TRIM44: variants seen among roughly 807,000 people sequenced by gnomAD.
The protein encoded by TRIM44 is tripartite motif-containing protein 44.
Under a neutral mutation model 37.4 loss-of-function variants are expected in TRIM44, and 13 were observed. The ratio of observed to expected loss-of-function variants is 0.35; its 90% CI spans 0.23 to 0.55. The LOEUF is 0.55. Ranked by LOEUF, TRIM44 falls within the 20% of genes least tolerant of loss-of-function variation. The pLI, the probability that TRIM44 is intolerant of heterozygous loss-of-function variation, is 0.89. For synonymous variants in TRIM44, 175 were observed against 157.2 expected, an observed-to-expected ratio of 1.11 and a Z score of -0.85; for missense variants, 426 against 437.2, an observed-to-expected ratio of 0.97 and a Z score of 0.23.
chr11:35,684,608 G>T (rs1047177917), intron 1 of TRIM44, among the ~76,000 whole-genome samples: 1 of 152,188 alleles, frequency 6.6e-6, no homozygotes, highest in Non-Finnish European at 1.5e-5. Context: ...TAATTTGCCT[G>T]AAATTAATCA....
At chr11:35,785,748 A>G (rs916988489) in intron 4 of TRIM44, among the ~76,000 whole-genome samples, 1 of 152,212 alleles carries the variant, frequency 6.6e-6, no homozygotes, top group Non-Finnish European at 1.5e-5. Flanking sequence ...TCAGGGGCCT[A>G]TATAACTGAA....
chr11:35,785,069 C>A (rs780436121), intron 4 of TRIM44, among the ~76,000 whole-genome samples: 1 of 152,166 alleles, frequency 6.6e-6, no homozygotes, highest in Non-Finnish European at 1.5e-5. Context: ...AAATACTTGT[C>A]CTGTACTGAC....
intron 4 of TRIM44, among the ~76,000 whole-genome samples, chr11:35,742,776 A>C (rs1393966871): frequency 1.1e-5 from 1 of 88,932 alleles, no homozygotes; most frequent in Admixed American, 1.8e-4. Flanking sequence ...TATATATTAC[A>C]TATAAATATA....
chr11:35,775,648 G>A (rs1852946599), intron 4 of TRIM44, among the ~76,000 whole-genome samples: 1 of 152,252 alleles, frequency 6.6e-6, no homozygotes, highest in Admixed American at 6.5e-5. Flanking sequence ...CATCCCATCA[G>A]TACCTAGTTT....
intron 4 of TRIM44, among the ~76,000 whole-genome samples, chr11:35,791,815 A>AG (rs1853215324): frequency 6.6e-6 from 1 of 152,096 alleles, no homozygotes; most frequent in Non-Finnish European, 1.5e-5. Context: ...ATTCTTTGCT[A>AG]TACTGTGAGC....
chr11:35,706,718 C>T (rs1373136997), intron 2 of TRIM44, among the ~76,000 whole-genome samples: 1 of 152,046 alleles, frequency 6.6e-6, no homozygotes, highest in South Asian at 2.1e-4. Flanking sequence ...AACAACCCTT[C>T]ATGCTAAAAA....
intron 4 of TRIM44, among the ~76,000 whole-genome samples, chr11:35,788,333 G>T (rs1453556065): frequency 6.6e-6 from 1 of 152,158 alleles, no homozygotes; most frequent in African/African-American, 2.4e-5. Context: ...TGTGAAGGAG[G>T]AGTTTAGAAC....
rs528215613 is a variant in TRIM44 at position 35,755,685 on chromosome 11, G to A, written c.1007+20240G>A. Among the ~76,000 whole-genome samples, 1,009 of 152,266 alleles carry A rather than the reference G, an allele frequency of 6.6e-3. 8 individuals carry two copies. Among genetic ancestry groups the A allele is most frequent in the African/African-American group, 0.023 (959 of 41,532 alleles). On this transcript the variant is annotated intron_variant, in intron 4 of 4. Transcript: ENST00000299413. The stretch of plus-strand genomic sequence containing the variant: ...CTATCTTGAATTAATTTTTGTATAA[G>A]GTGTAAGGAAGGGATCCAGTTTCAG...
intron 1 of TRIM44, among the ~76,000 whole-genome samples, chr11:35,673,672 C>T (rs1270062755): frequency 6.6e-6 from 1 of 152,136 alleles, no homozygotes; most frequent in Admixed American, 6.5e-5. Flanking sequence ...CCCTCTTTTT[C>T]TCTTTCCTGG....
At chr11:35,695,280 C>T (rs1851683151) in intron 2 of TRIM44, among the ~76,000 whole-genome samples, 1 of 152,088 alleles carries the variant, frequency 6.6e-6, no homozygotes, top group African/African-American at 2.4e-5. Flanking sequence ...GACTTATGTC[C>T]TCTTGAATAC....
In TRIM44 at chr11:35,725,104, A is replaced by C. The variant is rs958618438; in HGVS notation, c.748-820A>C. Among the ~76,000 whole-genome samples the C allele has an allele frequency of 2.1e-3, 300 of 142,116 alleles. 2 individuals carry two copies. The highest frequency in any genetic ancestry group is 6.9e-3 in the African/African-American group (271 of 39,102). The allele number at this position is 142,116 out of a possible 152,430, so 93.2% of individuals were successfully genotyped here. ...CACACACACACACACACACACACAC[A>C]CCCTCCATCTCCATATCATACAGAT... On this transcript the variant is annotated intron_variant, in intron 2 of 4. Coordinates refer to ENST00000299413, the MANE Select transcript of TRIM44 (RefSeq NM_017583.6).
intron 3 of TRIM44, among the ~76,000 whole-genome samples, chr11:35,726,700 TATGA>T (rs1852179786): frequency 1.3e-5 from 2 of 149,104 alleles, no homozygotes; most frequent in African/African-American, 5.0e-5. Context: ...AAAAAAAAAC[TATGA>T]ATGAAAGACA....
At chr11:35,674,235 CGTGT>C (rs113167193) in intron 1 of TRIM44, among the ~76,000 whole-genome samples, 6 of 149,878 alleles carry the variant, frequency 4.0e-5, no homozygotes, top group Non-Finnish European at 5.9e-5. Flanking sequence ...AGAGAATTTG[CGTGT>C]GTGTGTGTGT....
chr11:35,684,839 A>G (rs527487942), intron 1 of TRIM44, among the ~76,000 whole-genome samples: 29 of 152,190 alleles, frequency 1.9e-4, no homozygotes, highest in Middle Eastern at 3.4e-3. Flanking sequence ...ATTTCAGACT[A>G]TTTTCTTTGT....
intron 1 of TRIM44, among the ~76,000 whole-genome samples, chr11:35,666,213 G>A (rs1313025391): frequency 6.6e-6 from 1 of 152,184 alleles, no homozygotes; most frequent in Non-Finnish European, 1.5e-5. Flanking sequence ...CATAATATGT[G>A]TGAATGTGTT....
intron 2 of TRIM44, among the ~76,000 whole-genome samples, chr11:35,697,836 C>T (rs1372586334): frequency 6.6e-6 from 1 of 152,118 alleles, no homozygotes; most frequent in African/African-American, 2.4e-5. Context: ...GCCACATTTT[C>T]TTAATCCAGT....
At position 35,815,750 on chromosome 11, in the gene TRIM44, C is replaced by G. The variant is rs1187418339; in HGVS notation, c.*9365C>G. On this transcript the variant is annotated 3_prime_UTR_variant, in exon 5 of 5. Transcript: ENST00000299413. ...AAGAATTAGGTCACCGGGGCATCTGCCATTGCATATGTTTAAGTGGTATAA... is the reference window on the plus strand; with the variant it reads ...AAGAATTAGGTCACCGGGGCATCTGGCATTGCATATGTTTAAGTGGTATAA... 1 of 152,150 alleles carries G rather than the reference C, an allele frequency of 6.6e-6. No homozygotes were observed. Among genetic ancestry groups the G allele is most frequent in the Non-Finnish European group, 1.5e-5 (1 of 68,034 alleles). 9.4% of individuals were successfully genotyped at this position (152,150 alleles called of 1,614,324 possible).
At chr11:35,672,502 C>G (rs1054287773) in intron 1 of TRIM44, among the ~76,000 whole-genome samples, 8 of 152,138 alleles carry the variant, frequency 5.3e-5, no homozygotes, top group African/African-American at 1.4e-4. Context: ...TTGTGGAGTT[C>G]TTAACATGGC....
chr11:35,663,260 A>G lies in TRIM44; in HGVS notation c.149A>G (p.Gln50Arg). ...YCRRHAEAHRQKFLSHHLAEY... is the reference protein window; with the variant it reads ...YCRRHAEAHRRKFLSHHLAEY... ...CGCCGCCATGCCGAGGCGCACAGGCAGAAGTTCCTCAGTCACCATCTGGCC... is the reference window on the plus strand; with the variant it reads ...CGCCGCCATGCCGAGGCGCACAGGCGGAAGTTCCTCAGTCACCATCTGGCC... The change falls in exon 1 of 5, where the codon CAG (glutamine) becomes CGG (arginine). Residue 50 changes from glutamine (Q) to arginine (R), a missense_variant. Gln to Arg is a conservative substitution (Grantham distance 43). Transcript: ENST00000299413. The G allele has an allele frequency of 3.1e-6, 5 of 1,612,188 alleles. No homozygotes were observed. Among genetic ancestry groups the G allele is most frequent in the Admixed American group, 1.7e-5 (1 of 59,984 alleles).
Sources: gnomAD v4.1 joint callset for allele counts (sites outside exome capture counted in the v4.1 genomes callset) on GRCh38, gnomAD v4.1.1 for gene constraint, MANE v1.5 for transcripts, NCBI Gene and HGNC (gene_info 2026-07-23, HGNC 2026-07-21) for gene names.